Variants in SESTD1 observed in about 807,000 individuals in gnomAD.
SESTD1 encodes the protein SEC14 and spectrin domain containing 1.
A neutral mutation model predicts 101.7 loss-of-function variants in SESTD1; 43 were observed. The observed-to-expected ratio is 0.42, with a 90% CI of 0.33 to 0.55. SESTD1 has a LOEUF of 0.55. SESTD1 is among the 20% of genes least tolerant of loss of function. The probability of loss-of-function intolerance (pLI) is 0.07; values close to 1 mark genes in which losing one functional copy is unlikely to be tolerated. For missense variants in SESTD1, 647 were observed against 815.1 expected, an observed-to-expected ratio of 0.79 and a Z score of 2.51; for synonymous variants, 283 against 286.8, an observed-to-expected ratio of 0.99 and a Z score of 0.13.
At chr2:179,223,107 A>C (rs960663813) in intron 1 of SESTD1, among the ~76,000 whole-genome samples, 5 of 152,340 alleles carry the variant, frequency 3.3e-5, no homozygotes, top group African/African-American at 1.2e-4. Context: ...CCATTAGGCA[A>C]TACAAATGAA....
At chr2:179,139,284 C>T (rs1297757431) in intron 9 of SESTD1, among the ~76,000 whole-genome samples, 2 of 152,150 alleles carry the variant, frequency 1.3e-5, no homozygotes, top group Non-Finnish European at 2.9e-5. Context: ...AAGCAGATGG[C>T]CTTTTCCTCT....
At chr2:179,145,618 T>C (rs1266382799) in intron 8 of SESTD1, among the ~76,000 whole-genome samples, 2 of 152,254 alleles carry the variant, frequency 1.3e-5, no homozygotes, top group Non-Finnish European at 2.9e-5. Context: ...GGAATATACA[T>C]ATCAGGCAGC....
intron 2 of SESTD1, among the ~76,000 whole-genome samples, chr2:179,186,731 A>C (rs1056271264): frequency 7.3e-6 from 1 of 136,456 alleles, no homozygotes; most frequent in African/African-American, 2.8e-5. Flanking sequence ...TCTGTCGCCC[A>C]GGCTGGAGTG....
intron 1 of SESTD1, among the ~76,000 whole-genome samples, chr2:179,223,393 A>G (rs2046840472): frequency 6.6e-6 from 1 of 152,140 alleles, no homozygotes; most frequent in Non-Finnish European, 1.5e-5. Flanking sequence ...CTAAAAATCA[A>G]TCTGTATAAT....
intron 4 of SESTD1, among the ~76,000 whole-genome samples, chr2:179,175,112 C>G (rs979751851): frequency 6.6e-6 from 1 of 152,078 alleles, no homozygotes; most frequent in Non-Finnish European, 1.5e-5. Flanking sequence ...CTGGGGCTTA[C>G]TTAGACTATA....
At chr2:179,161,217 T>A (rs946831442) in intron 5 of SESTD1, among the ~76,000 whole-genome samples, 2 of 151,982 alleles carry the variant, frequency 1.3e-5, no homozygotes, top group African/African-American at 4.8e-5. Flanking sequence ...CCATTGCTCC[T>A]GGCCTTAAAT....
chr2:179,172,246 G>C lies in SESTD1; in HGVS notation c.256-13C>G. ...CTGGAACAACATTCTATAAAATACAGAAAAATAATTACAAATTACACATGT... is the reference window on the plus strand; with the variant it reads ...CTGGAACAACATTCTATAAAATACACAAAAATAATTACAAATTACACATGT... On this transcript the variant is annotated splice_polypyrimidine_tract_variant and intron_variant, in intron 4 of 17. Transcript: ENST00000428443. 1 of 1,506,280 alleles carries C rather than the reference G, an allele frequency of 6.6e-7. No individual in the cohort carries two copies. The highest frequency in any genetic ancestry group is 9.1e-7 in the Non-Finnish European group (1 of 1,098,390). The allele number at this position is 1,506,280 out of a possible 1,614,324, so 93.3% of individuals were successfully genotyped here. A position where few individuals can be genotyped will look rare whatever the true frequency, so the allele number is the denominator to read the frequency against.
intron 1 of SESTD1, among the ~76,000 whole-genome samples, chr2:179,225,782 T>C (rs1203228561): frequency 1.3e-5 from 2 of 152,176 alleles, no homozygotes; most frequent in Non-Finnish European, 2.9e-5. Context: ...TCTTGAGCCC[T>C]TTTATAAGGG....
At chr2:179,214,572 G>T (rs569834248) in intron 1 of SESTD1, among the ~76,000 whole-genome samples, 1 of 133,728 alleles carries the variant, frequency 7.5e-6, no homozygotes, top group African/African-American at 3.0e-5. Flanking sequence ...AATACTGGAC[G>T]GATCAACGAG....
intron 14 of SESTD1, among the ~76,000 whole-genome samples, chr2:179,117,290 A>G (rs768189670): frequency 4.6e-5 from 7 of 152,218 alleles, no homozygotes; most frequent in Non-Finnish European, 8.8e-5. Flanking sequence ...TAAATAATAA[A>G]CGATCCCAAT....
chr2:179,172,433 T>C (rs2045943151), intron 4 of SESTD1, among the ~76,000 whole-genome samples, 200 bp from the exon 5 acceptor site: 1 of 152,096 alleles, frequency 6.6e-6, no homozygotes, highest in African/African-American at 2.4e-5. Flanking sequence ...ATTCAGAAAA[T>C]ACTTCAAATA....
rs1461052148 is a variant in SESTD1, at chr2:179,208,644, G to T, written c.-25-16778C>A. ...AACTAAGCTTCATAAATGAAGGAGA[G>T]ATAAAGTATTTTTTAGACAAACAAA... On this transcript the variant is annotated intron_variant, in intron 1 of 17. Coordinates refer to ENST00000428443, the MANE Select transcript of SESTD1 (RefSeq NM_178123.5). Among the ~76,000 whole-genome samples the T allele has an allele frequency of 5.2e-5, 7 of 134,628 alleles. 2 individuals are homozygous for T. The highest frequency in any genetic ancestry group is 2.1e-4 in the African/African-American group (7 of 34,128). The allele number at this position is 134,628 out of a possible 152,430, so 88.3% of individuals were successfully genotyped here. A position where few individuals can be genotyped will look rare whatever the true frequency, so the allele number is the denominator to read the frequency against.
intron 7 of SESTD1, among the ~76,000 whole-genome samples, chr2:179,149,019 C>G (rs2045453958): frequency 7.5e-6 from 1 of 133,028 alleles, no homozygotes; most frequent in Admixed American, 8.6e-5. Flanking sequence ...GAGATAGCGC[C>G]ACTGCACTCC....
chr2:179,205,422 C>A (rs956971579), intron 1 of SESTD1, among the ~76,000 whole-genome samples: 2 of 134,120 alleles, frequency 1.5e-5, no homozygotes, highest in Non-Finnish European at 3.2e-5. Context: ...TGATCTTACA[C>A]CATCAAATGC....
intron 1 of SESTD1, among the ~76,000 whole-genome samples, chr2:179,248,763 A>G (rs1032422460): frequency 6.6e-6 from 1 of 152,088 alleles, no homozygotes; most frequent in African/African-American, 2.4e-5. Context: ...CAATTGTGAA[A>G]GACTGAATAC....
chr2:179,127,166 T>C (rs969439190), intron 10 of SESTD1, among the ~76,000 whole-genome samples: 2 of 152,228 alleles, frequency 1.3e-5, no homozygotes, highest in African/African-American at 4.8e-5. Context: ...CTCCCTGTAC[T>C]CTAGCCACAC....
At chr2:179,168,536 A>T (rs2045876207) in intron 5 of SESTD1, among the ~76,000 whole-genome samples, 1 of 152,188 alleles carries the variant, frequency 6.6e-6, no homozygotes, top group African/African-American at 2.4e-5. Flanking sequence ...CAAAAAAAAA[A>T]ACTTGAAAAT....
chr2:179,149,399 AAT>A lies in SESTD1; in HGVS notation c.484-7_484-6del. The stretch of plus-strand genomic sequence containing the variant: ...CTTTGTAAACTTCTCAAAAACCTAC[AAT>A]ATGAGTTTTATTAACATACTAAGAA... On this transcript the variant is annotated splice_region_variant and splice_polypyrimidine_tract_variant and intron_variant, in intron 6 of 17. Transcript: ENST00000428443. The A allele has an allele frequency of 1.3e-6, 2 of 1,565,584 alleles. No homozygotes were observed. Among genetic ancestry groups the A allele is most frequent in the Non-Finnish European group, 8.7e-7 (1 of 1,146,494 alleles).
chr2:179,154,080 C>CAAAAA (rs748598701), intron 5 of SESTD1, among the ~76,000 whole-genome samples: 1 of 60,740 alleles, frequency 1.6e-5, no homozygotes, highest in South Asian at 6.3e-4. Flanking sequence ...CCAATCTCTA[C>CAAAAA]AAAAAAAAAA....
Sources: gnomAD v4.1 joint callset for allele counts (sites outside exome capture counted in the v4.1 genomes callset) on GRCh38, gnomAD v4.1.1 for gene constraint, MANE v1.5 for transcripts, NCBI Gene and HGNC (gene_info 2026-07-23, HGNC 2026-07-21) for gene names.